The following PKNOX2 variants were observed in gnomAD, a reference collection of about 807,000 sequenced individuals.
PKNOX2 encodes PBX/knotted 1 homeobox 2.
Under a neutral mutation model 53.1 loss-of-function variants are expected in PKNOX2, and 14 were observed. That is an observed-to-expected ratio of 0.26 (90% confidence interval 0.17 to 0.41). The LOEUF is 0.41. Among genes scored for constraint, PKNOX2 ranks in the 10% least tolerant of loss-of-function variants. The probability of loss-of-function intolerance (pLI) is 1.00; values close to 1 mark genes in which losing one functional copy is unlikely to be tolerated. For synonymous variants in PKNOX2, 257 were observed against 242.8 expected (o/e 1.06, Z -0.54); for missense variants, 496 against 602.8 (o/e 0.82, Z 1.85).
At chr11:125,183,799 G>A (rs1381253519) in intron 1 of PKNOX2, among the ~76,000 whole-genome samples, 4 of 152,176 alleles carry the variant, frequency 2.6e-5, no homozygotes, top group African/African-American at 7.2e-5. Flanking sequence ...TTACTGAGCT[G>A]AGGGCATCAG....
intron 2 of PKNOX2, among the ~76,000 whole-genome samples, chr11:125,290,457 T>C (rs1947237350): frequency 6.6e-6 from 1 of 152,178 alleles, no homozygotes; most frequent in Admixed American, 6.5e-5. Context: ...ACCTTCTAGA[T>C]AAGACACAGT....
chr11:125,274,435 C>G (rs149791465), intron 2 of PKNOX2, among the ~76,000 whole-genome samples: 1 of 152,204 alleles, frequency 6.6e-6, no homozygotes, highest in South Asian at 2.1e-4. Flanking sequence ...TTTGCCTCTG[C>G]GGTGCCAGCC....
intron 2 of PKNOX2, among the ~76,000 whole-genome samples, chr11:125,319,789 A>G (rs1949409598): frequency 6.6e-6 from 1 of 152,232 alleles, no homozygotes; most frequent in Non-Finnish European, 1.5e-5. Flanking sequence ...GAGAAAGAGC[A>G]CCTTCCAGGA....
chr11:125,324,532 G>A (rs184877899), intron 2 of PKNOX2, among the ~76,000 whole-genome samples: 1 of 152,292 alleles, frequency 6.6e-6, no homozygotes, highest in East Asian at 1.9e-4. Flanking sequence ...TAATCAAGTG[G>A]GGTGGCAGAG....
intron 6 of PKNOX2, among the ~76,000 whole-genome samples, chr11:125,394,455 T>C (rs1455626480): frequency 6.6e-6 from 1 of 152,236 alleles, no homozygotes; most frequent in African/African-American, 2.4e-5. Context: ...CTTGGTCTAA[T>C]TTAGTACTCC....
chr11:125,228,984 C>T (rs1941962492), intron 1 of PKNOX2, among the ~76,000 whole-genome samples: 1 of 152,308 alleles, frequency 6.6e-6, no homozygotes, highest in African/African-American at 2.4e-5. Flanking sequence ...CAGCACCTGC[C>T]TTCTGGCCAC....
intron 2 of PKNOX2, among the ~76,000 whole-genome samples, chr11:125,268,843 G>A (rs1945556112): frequency 6.6e-6 from 1 of 152,032 alleles, no homozygotes; most frequent in Non-Finnish European, 1.5e-5. Context: ...TTCTGGGGTG[G>A]GGGCTGAGGA....
intron 6 of PKNOX2, among the ~76,000 whole-genome samples, chr11:125,392,473 C>A (rs1308004877): frequency 6.6e-6 from 1 of 152,200 alleles, no homozygotes; most frequent in Non-Finnish European, 1.5e-5. Context: ...ATTTACTCTA[C>A]CTCCTTAAAT....
At chr11:125,346,838 G>C (rs1201042912) in intron 3 of PKNOX2, among the ~76,000 whole-genome samples, 1 of 152,024 alleles carries the variant, frequency 6.6e-6, no homozygotes, top group Non-Finnish European at 1.5e-5. Flanking sequence ...AGGGAGGAAG[G>C]AGGGGAGGAG....
intron 2 of PKNOX2, among the ~76,000 whole-genome samples, chr11:125,312,229 T>C (rs12806854): frequency 0.15 from 23,513 of 152,194 alleles, 2,000 homozygotes; most frequent in East Asian, 0.32. Context: ...ATGTTCAGTA[T>C]GATCGGGTCC....
chr11:125,355,266 CA>C (rs1185584702), intron 4 of PKNOX2, among the ~76,000 whole-genome samples: 20 of 83,258 alleles, frequency 2.4e-4, no homozygotes, highest in Admixed American at 9.7e-4. Context: ...GACTCTATCT[CA>C]AAAAAAAAAG....
At chr11:125,251,116 G>T (rs1241055890) in intron 2 of PKNOX2, among the ~76,000 whole-genome samples, 1 of 152,360 alleles carries the variant, frequency 6.6e-6, no homozygotes, top group East Asian at 1.9e-4. Context: ...CGGGAGGCGT[G>T]TGACTTCTTC....
At chr11:125,376,024 C>T (rs950020534) in intron 5 of PKNOX2, among the ~76,000 whole-genome samples, 2 of 152,172 alleles carry the variant, frequency 1.3e-5, no homozygotes, top group African/African-American at 4.8e-5. Context: ...TGTATTTTTG[C>T]CCTCGCAGAG....
At chr11:125,348,885 G>A (rs1242651879) in intron 3 of PKNOX2, among the ~76,000 whole-genome samples, 2 of 152,200 alleles carry the variant, frequency 1.3e-5, no homozygotes, top group Non-Finnish European at 2.9e-5. Flanking sequence ...AAGAGGGGGA[G>A]AAAGCCCTCC....
chr11:125,282,083 T>C (rs758552051), intron 2 of PKNOX2, among the ~76,000 whole-genome samples: 1 of 152,194 alleles, frequency 6.6e-6, no homozygotes, highest in Admixed American at 6.5e-5. Context: ...GCCGCTTTTC[T>C]TCTCTGGGGT....
At chr11:125,259,715 G>A (rs1212773652) in intron 2 of PKNOX2, among the ~76,000 whole-genome samples, 1 of 152,158 alleles carries the variant, frequency 6.6e-6, no homozygotes, top group Non-Finnish European at 1.5e-5. Context: ...GCCCACACTG[G>A]GCCATGGGAT....
At chr11:125,356,896 G>T (rs538809461) in intron 4 of PKNOX2, among the ~76,000 whole-genome samples, 3 of 152,384 alleles carry the variant, frequency 2.0e-5, no homozygotes. Context: ...AGGCAGAAGT[G>T]GGTTCAGATG....
chr11:125,337,796 T>G (rs1393520560), intron 3 of PKNOX2, among the ~76,000 whole-genome samples: 2 of 152,160 alleles, frequency 1.3e-5, no homozygotes, highest in Admixed American at 1.3e-4. Flanking sequence ...AGGTGCTCAG[T>G]AAATGAGGCC....
chr11:125,398,028 C>T lies in PKNOX2; in HGVS notation c.554C>T (p.Ser185Phe). 6.2e-7 allele frequency: 1 copy of T among 1,613,210 alleles called. No individual in the cohort carries two copies. Among genetic ancestry groups the T allele is most frequent in the East Asian group, 2.2e-5 (1 of 44,872 alleles). Residue 185 changes from serine (S) to phenylalanine (F), a missense_variant, in exon 7 of 13, where the codon TCC becomes TTC. By Grantham distance (155) the Ser-to-Phe change is radical. Transcript: ENST00000298282. ...LLRNDLGGPYSPNQPSINLHS... is the reference protein window; with the variant it reads ...LLRNDLGGPYFPNQPSINLHS... ...AGGAATGATCTAGGGGGGCCCTACTCCCCCAACCAGCCCTCCATCAACCTT... is the reference window on the plus strand; with the variant it reads ...AGGAATGATCTAGGGGGGCCCTACTTCCCCAACCAGCCCTCCATCAACCTT...
Sources: allele counts gnomAD v4.1 joint callset (sites outside exome capture counted in the v4.1 genomes callset), GRCh38; gene constraint gnomAD v4.1.1; transcripts MANE v1.5; gene names NCBI Gene and HGNC (gene_info 2026-07-23, HGNC 2026-07-21).